Variants in NUB1 observed in about 807,000 individuals in gnomAD.
The protein encoded by NUB1 is NEDD8 ultimate buster 1.
A neutral mutation model predicts 77.1 loss-of-function variants in NUB1; 41 were observed. The ratio of observed to expected loss-of-function variants is 0.53; its 90% CI spans 0.41 to 0.69. NUB1 has a LOEUF of 0.69. NUB1 is among the 30% of genes least tolerant of loss of function. NUB1 has a pLI of 0.00. For missense variants in NUB1, 643 were observed against 743.8 expected (o/e 0.86, Z 1.58); for synonymous variants, 257 against 281.0 (o/e 0.91, Z 0.85).
chr7:151,365,317 TC>T (rs774468231), intron 8 of NUB1, among the ~76,000 whole-genome samples: 1 of 80,922 alleles, frequency 1.2e-5, no homozygotes, highest in East Asian at 7.1e-4. Flanking sequence ...TTCTTCTCTC[TC>T]TTTTTTTTTT....
chr7:151,341,896 C>A, intron 1 of NUB1, 50 bp downstream of exon 1: 1 of 1,445,058 alleles, frequency 6.9e-7, no homozygotes, highest in Non-Finnish European at 9.0e-7. Flanking sequence ...AGCAGCACTG[C>A]TTGGCGCCCC....
intron 12 of NUB1, 156 bp downstream of exon 12, chr7:151,374,399 A>G: frequency 1.9e-6 from 2 of 1,033,986 alleles, no homozygotes; most frequent in Non-Finnish European, 2.9e-6. Context: ...TCCAGCCCAG[A>G]CACAGGCTGC....
Position 151,378,033 on chromosome 7 carries a change from TTAGATA to T in NUB1, c.*811_*816del, listed in dbSNP as rs1203238266. The T allele has an allele frequency of 3.3e-5, 5 of 152,230 alleles. No homozygotes were observed. Among genetic ancestry groups the T allele is most frequent in the African/African-American group, 1.2e-4 (5 of 41,454 alleles). The allele number at this position is 152,230 out of a possible 1,614,324, so 9.4% of individuals were successfully genotyped here. A position where few individuals can be genotyped will look rare whatever the true frequency, so the allele number is the denominator to read the frequency against. On this transcript the variant is annotated 3_prime_UTR_variant, in exon 15 of 15. Coordinates refer to ENST00000568733, the MANE Select transcript of NUB1 (RefSeq NM_001243351.2). ...GCTAGCTAAGAGACCTATCAGAGAT[TTAGATA>T]TATTTTCTCCAGGTTTTTTGTGGGT...
In NUB1 at chr7:151,342,038, C is replaced by T. The variant is rs903087503; in HGVS notation, c.-3+192C>T. ...GAGCGGTGGGCCGGGCTTCGGGACG[C>T]GCTGGCCGTTCGGGGCCCTTTGGTT... On this transcript the variant is annotated intron_variant, in intron 1 of 14. Coordinates refer to ENST00000568733, the MANE Select transcript of NUB1 (RefSeq NM_001243351.2). 6.4e-5 allele frequency: 70 copies of T among 1,090,252 alleles called. No homozygotes were observed. In the African/African-American group the frequency reaches 1.1e-3, roughly 17 times the overall value. 67.5% of individuals were successfully genotyped at this position (1,090,252 alleles called of 1,614,324 possible).
chr7:151,341,815 C>A lies in NUB1; in HGVS notation c.-34C>A. 6.6e-7 allele frequency: 1 copy of A among 1,507,840 alleles called. No homozygotes were observed. Among genetic ancestry groups the A allele is most frequent in the Non-Finnish European group, 8.8e-7 (1 of 1,137,350 alleles). 93.4% of individuals were successfully genotyped at this position (1,507,840 alleles called of 1,614,324 possible). On this transcript the variant is annotated 5_prime_UTR_variant, in exon 1 of 15. The change creates a new upstream start codon in the 5' untranslated region. Coordinates refer to ENST00000568733, the MANE Select transcript of NUB1 (RefSeq NM_001243351.2). ...GCGGCCGCTGCCGCATCCGGGCACTCTGCTGGTCGCGGCGGGAGTGGCGTG... is the reference window on the plus strand; with the variant it reads ...GCGGCCGCTGCCGCATCCGGGCACTATGCTGGTCGCGGCGGGAGTGGCGTG...
intron 2 of NUB1, among the ~76,000 whole-genome samples, chr7:151,345,760 C>T (rs1416825409): frequency 1.3e-5 from 2 of 152,104 alleles, no homozygotes; most frequent in African/African-American, 4.8e-5. Context: ...AGTATTGGTG[C>T]CAGTAAGTAA....
rs1797041590 is a variant in NUB1 at position 151,355,903 on chromosome 7, A to G, written c.551A>G (p.Lys184Arg). The G allele has an allele frequency of 6.2e-7, 1 of 1,613,834 alleles. No individual in the cohort carries two copies. The highest frequency in any genetic ancestry group is 1.3e-5 in the African/African-American group (1 of 74,898). Residue 184 changes from lysine to arginine, a missense_variant, in exon 6 of 15, where the codon AAA becomes AGA. Lys to Arg is a conservative substitution (Grantham distance 26). Coordinates refer to ENST00000568733, the MANE Select transcript of NUB1 (RefSeq NM_001243351.2). ...CAAAATGAGGCCAAACTCAAAGAAA[A>G]ACAAATTCAGAGGACCAAGAGAGGA... The part of the protein sequence containing the change: ...EEQNEAKLKE[K>R]QIQRTKRGLE...
At chr7:151,358,000 G>T (rs899721727) in intron 7 of NUB1, among the ~76,000 whole-genome samples, 1 of 151,616 alleles carries the variant, frequency 6.6e-6, no homozygotes, top group South Asian at 2.1e-4. Context: ...TGTGTGAGGC[G>T]GAGTCTCGCT....
At chr7:151,346,190 C>A (rs1796500997) in intron 2 of NUB1, among the ~76,000 whole-genome samples, 1 of 152,226 alleles carries the variant, frequency 6.6e-6, no homozygotes. Context: ...TGGGAGGTGA[C>A]AAACTGTATT....
At chr7:151,352,788 A>G in intron 4 of NUB1, 24 bp from the exon 5 acceptor site, 10 of 1,426,256 alleles carry the variant, frequency 7.0e-6, no homozygotes, top group South Asian at 2.4e-5. Flanking sequence ...TTTTCCTACA[A>G]TTTTCACTGG....
intron 8 of NUB1, among the ~76,000 whole-genome samples, chr7:151,362,006 T>A (rs1797400558): frequency 6.6e-6 from 1 of 152,204 alleles, no homozygotes. Context: ...AGCTTCCATA[T>A]ACACTCATAA....
chr7:151,359,301 G>T (rs986722602), intron 7 of NUB1, among the ~76,000 whole-genome samples: 2 of 151,210 alleles, frequency 1.3e-5, no homozygotes, highest in Admixed American at 1.3e-4. Flanking sequence ...AAATTAGCCA[G>T]GCGTGGTGGT....
At chr7:151,365,964 T>C (rs184787855) in intron 8 of NUB1, among the ~76,000 whole-genome samples, 175 of 152,302 alleles carry the variant, frequency 1.1e-3, no homozygotes, top group African/African-American at 3.7e-3. Context: ...TGTAGTTTTA[T>C]ACAAGAGCAT....
In NUB1 at chr7:151,375,941, C is replaced by T. The variant is rs749132094; in HGVS notation, c.1489C>T (p.Arg497Ter). 184 of 1,604,832 alleles carry T rather than the reference C, an allele frequency of 1.1e-4. No homozygotes were observed. Among genetic ancestry groups the T allele is most frequent in the Middle Eastern group, 1.6e-4 (1 of 6,064 alleles). Reference sequence around the variant, plus strand: ...AAGTCCTTCCCAGGAAAACATTGACCGAGTGAGTGACAGGCCTTTGTGCCC... The same window carrying T: ...AAGTCCTTCCCAGGAAAACATTGACTGAGTGAGTGACAGGCCTTTGTGCCC... ...QESPSQENID[R>*]LVYMGFDALV... Residue 497 changes from arginine (R) to a stop codon, truncating the protein, a stop_gained and splice_region_variant, in exon 13 of 15, where the codon CGA (arginine) becomes TGA (stop). Transcript: ENST00000568733. LOFTEE classifies it high-confidence loss of function.
In NUB1 at chr7:151,349,245, G is replaced by A; in HGVS notation, c.285+5G>A. ...TTACCACCAAGACTAAAAAAAGTGA[G>A]TAATTTCCCTAAATTTGAGTAGGCA... On this transcript the variant is annotated splice_donor_5th_base_variant and intron_variant, in intron 3 of 14. Transcript: ENST00000568733. 1.9e-6 allele frequency: 3 copies of A among 1,602,634 alleles called. No homozygotes were observed. The highest frequency in any genetic ancestry group is 2.6e-6 in the Non-Finnish European group (3 of 1,175,336).
chr7:151,364,556 G>A (rs142463888), intron 8 of NUB1, among the ~76,000 whole-genome samples: 6 of 152,008 alleles, frequency 3.9e-5, no homozygotes, highest in African/African-American at 1.4e-4. Flanking sequence ...ACGGAGTCTC[G>A]CTCTGTCGCC....
At chr7:151,353,042 A>G (rs1796892623) in intron 5 of NUB1, among the ~76,000 whole-genome samples, 160 bp downstream of exon 5, 1 of 152,252 alleles carries the variant, frequency 6.6e-6, no homozygotes, top group Admixed American at 6.5e-5. Flanking sequence ...AAAGCAGAAA[A>G]TAGCTTTTCC....
At position 151,370,915 on chromosome 7, in the gene NUB1, T is replaced by C. The variant is rs528341022; in HGVS notation, c.1248+2028T>C. 3.4e-4 allele frequency among the ~76,000 whole-genome samples: 52 copies of C among 152,320 alleles called. 1 individual carries two copies. The East Asian group carries it at 5.8e-3, about 17-fold the overall frequency. On this transcript the variant is annotated intron_variant, in intron 11 of 14. Transcript: ENST00000568733. ...CAGTTCTCATCACTGTATAAGACTA[T>C]AGTTCATAAAACATTGTCACACTCA... is the stretch of plus-strand genomic sequence containing the variant.
chr7:151,346,624 T>C (rs1160305477), intron 2 of NUB1, among the ~76,000 whole-genome samples: 1 of 152,184 alleles, frequency 6.6e-6, no homozygotes, highest in Non-Finnish European at 1.5e-5. Context: ...GTGACAGATT[T>C]TGGACAGCTT....
Sources: gnomAD v4.1 joint callset for allele counts (sites outside exome capture counted in the v4.1 genomes callset) on GRCh38, gnomAD v4.1.1 for gene constraint, MANE v1.5 for transcripts, NCBI Gene and HGNC (gene_info 2026-07-23, HGNC 2026-07-21) for gene names.